The following LDB2 variants were observed in gnomAD, a reference collection of about 807,000 sequenced individuals.
LDB2 encodes the protein LIM domain binding 2, also known as LIM domain-binding protein 2.
In LDB2, 12 loss-of-function variants were observed where a neutral mutation model predicts 44.3. That is an observed-to-expected ratio of 0.27 (90% confidence interval 0.17 to 0.44). LDB2 has a LOEUF of 0.44. Ranked by LOEUF, LDB2 falls within the 20% of genes least tolerant of loss-of-function variation. LDB2 has a pLI of 1.00. For synonymous variants in LDB2, 164 were observed against 174.8 expected (o/e 0.94, Z 0.49); for missense variants, 344 against 473.5 (o/e 0.73, Z 2.54).
rs142246223 is a variant in LDB2 at position 16,825,505 on chromosome 4, A to G, written c.133-66245T>C. 2.0e-3 allele frequency among the ~76,000 whole-genome samples: 311 copies of G among 152,300 alleles called. 5 individuals are homozygous for G. In the East Asian group the frequency reaches 0.036, roughly 18 times the overall value. ...GCAAGGCCACATAATGCGGGTAAAG[A>G]AGAAAAGTGCTCCTTTTCTTCTAAT... On this transcript the variant is annotated intron_variant, in intron 1 of 7. Transcript: ENST00000304523.
chr4:16,887,505 C>G (rs944753196), intron 1 of LDB2, among the ~76,000 whole-genome samples: 25 of 152,114 alleles, frequency 1.6e-4, no homozygotes, highest in African/African-American at 6.0e-4. Flanking sequence ...ACATGGTAAT[C>G]ATGTTAAACT....
At chr4:16,639,247 A>T (rs998040000) in intron 2 of LDB2, among the ~76,000 whole-genome samples, 1 of 152,218 alleles carries the variant, frequency 6.6e-6, no homozygotes, top group African/African-American at 2.4e-5. Context: ...TTCTGTTGCC[A>T]TGTAAAATAA....
chr4:16,790,566 G>A (rs529112785), intron 1 of LDB2, among the ~76,000 whole-genome samples: 2 of 152,282 alleles, frequency 1.3e-5, no homozygotes, highest in South Asian at 2.1e-4. Context: ...TACACTCCAT[G>A]ACGTTTGCAT....
At chr4:16,616,745 A>G (rs1418866375) in intron 2 of LDB2, among the ~76,000 whole-genome samples, 1 of 152,134 alleles carries the variant, frequency 6.6e-6, no homozygotes, top group Non-Finnish European at 1.5e-5. Flanking sequence ...CTAGGAGACC[A>G]GGGACATAGA....
intron 2 of LDB2, among the ~76,000 whole-genome samples, chr4:16,687,284 A>T (rs79362223): frequency 0.065 from 9,829 of 152,222 alleles, 585 homozygotes; most frequent in East Asian, 0.19. Flanking sequence ...AGGTTATGAG[A>T]GTGAAGCCCT....
intron 1 of LDB2, among the ~76,000 whole-genome samples, chr4:16,761,947 C>A (rs887674934): frequency 5.3e-5 from 8 of 152,078 alleles, no homozygotes; most frequent in African/African-American, 1.9e-4. Context: ...AGTTCGAGAC[C>A]AGCCTGACCA....
chr4:16,749,979 CGTT>C (rs1561093359), intron 2 of LDB2, among the ~76,000 whole-genome samples: 1 of 152,036 alleles, frequency 6.6e-6, no homozygotes, highest in Non-Finnish European at 1.5e-5. Flanking sequence ...CTCCATGCCT[CGTT>C]GTACTTTTTA....
chr4:16,558,051 C>A (rs1740441427), intron 5 of LDB2, among the ~76,000 whole-genome samples: 1 of 152,084 alleles, frequency 6.6e-6, no homozygotes, highest in African/African-American at 2.4e-5. Context: ...ACATCCACAC[C>A]AAAAACCCAT....
intron 6 of LDB2, among the ~76,000 whole-genome samples, chr4:16,510,526 A>G (rs920273609): frequency 7.2e-5 from 11 of 152,168 alleles, no homozygotes; most frequent in African/African-American, 2.7e-4. Context: ...TTTTATTTAT[A>G]CTTTGACCAT....
chr4:16,592,505 T>TATACACATATATACAC (rs757702164), intron 3 of LDB2, among the ~76,000 whole-genome samples: 1 of 108,058 alleles, frequency 9.3e-6, no homozygotes, highest in African/African-American at 3.8e-5. Context: ...TATATATATA[T>TATACACATATATACAC]ACACACACAC....
In LDB2 at chr4:16,595,692, C is replaced by T. The variant is rs774664925; in HGVS notation, c.408+11G>A. On this transcript the variant is annotated intron_variant, in intron 3 of 7. Coordinates refer to ENST00000304523, the MANE Select transcript of LDB2 (RefSeq NM_001290.5). ...GGAAAAGCCGGGCATGTGACAGAGC[C>T]TGTCCTGTACCTTGGTAAACATGGG... The T allele has an allele frequency of 1.9e-6, 3 of 1,610,058 alleles. No homozygotes were observed. Among genetic ancestry groups the T allele is most frequent in the East Asian group, 4.5e-5 (2 of 44,804 alleles).
intron 5 of LDB2, among the ~76,000 whole-genome samples, chr4:16,543,935 G>T (rs1734790893): frequency 6.6e-6 from 1 of 152,018 alleles, no homozygotes; most frequent in Admixed American, 6.6e-5. Context: ...TCAAATAATT[G>T]TTTTTTTCTC....
chr4:16,798,472 G>A (rs1777156616), intron 1 of LDB2, among the ~76,000 whole-genome samples: 1 of 152,148 alleles, frequency 6.6e-6, no homozygotes, highest in African/African-American at 2.4e-5. Context: ...AAAAATAAAT[G>A]CATGGAAACA....
At position 16,821,746 on chromosome 4, in the gene LDB2, CAAAAAA is replaced by C. The variant is rs562184189; in HGVS notation, c.133-62492_133-62487del. On this transcript the variant is annotated intron_variant, in intron 1 of 7. Coordinates refer to ENST00000304523, the MANE Select transcript of LDB2 (RefSeq NM_001290.5). The stretch of plus-strand genomic sequence containing the variant: ...AATGGAAACCATTCCAACATTAAAG[CAAAAAA>C]AAAAAAAAAAAAAAAAAATCAGGAA... 9.7e-5 allele frequency among the ~76,000 whole-genome samples: 6 copies of C among 61,736 alleles called. No homozygotes were observed. In the East Asian group the frequency reaches 1.7e-3, roughly 17 times the overall value. 40.5% of individuals were successfully genotyped at this position (61,736 alleles called of 152,430 possible). A position where few individuals can be genotyped will look rare whatever the true frequency, so the allele number is the denominator to read the frequency against.
intron 5 of LDB2, among the ~76,000 whole-genome samples, chr4:16,549,942 C>T (rs1737070231): frequency 6.6e-6 from 1 of 152,208 alleles, no homozygotes; most frequent in Non-Finnish European, 1.5e-5. Context: ...GTGTGCAAGT[C>T]ACCTAGACAC....
chr4:16,755,473 GT>G (rs1388659640), intron 2 of LDB2, among the ~76,000 whole-genome samples: 46 of 2,708 alleles, frequency 0.017, no homozygotes, highest in Admixed American at 0.024. Flanking sequence ...TAGGAATAGG[GT>G]GTGTGTGTGT....
At chr4:16,645,420 C>T (rs1228911336) in intron 2 of LDB2, among the ~76,000 whole-genome samples, 2 of 151,412 alleles carry the variant, frequency 1.3e-5, no homozygotes, top group Non-Finnish European at 2.9e-5. Context: ...GCCTGTAGTC[C>T]CAGCTACTCG....
intron 1 of LDB2, among the ~76,000 whole-genome samples, chr4:16,869,273 G>A (rs1167407319): frequency 6.6e-6 from 1 of 151,148 alleles, no homozygotes; most frequent in Non-Finnish European, 1.5e-5. Flanking sequence ...CAGTTCTAAG[G>A]GCAGAATTCT....
chr4:16,711,769 G>A (rs1286951422), intron 2 of LDB2, among the ~76,000 whole-genome samples: 1 of 152,190 alleles, frequency 6.6e-6, no homozygotes, highest in Non-Finnish European at 1.5e-5. Flanking sequence ...AGAATTCAAA[G>A]TACAGAAACA....
Sources: allele counts gnomAD v4.1 joint callset (sites outside exome capture counted in the v4.1 genomes callset), GRCh38; gene constraint gnomAD v4.1.1; transcripts MANE v1.5; gene names NCBI Gene and HGNC (gene_info 2026-07-23, HGNC 2026-07-21).